LDB2: variants seen among roughly 807,000 people sequenced by gnomAD.
LDB2 encodes the protein LIM domain-binding protein 2.
Under a neutral mutation model 44.3 loss-of-function variants are expected in LDB2, and 12 were observed. The observed-to-expected ratio is 0.27, with a 90% CI of 0.17 to 0.44. LDB2 has a LOEUF of 0.44. Ranked by LOEUF, LDB2 falls within the 20% of genes least tolerant of loss-of-function variation. The pLI, the probability that LDB2 is intolerant of heterozygous loss-of-function variation, is 1.00. For missense variants in LDB2, 344 were observed against 473.5 expected, an observed-to-expected ratio of 0.73 and a Z score of 2.54; for synonymous variants, 164 against 174.8, an observed-to-expected ratio of 0.94 and a Z score of 0.49.
At chr4:16,640,154 C>A (rs1033036090) in intron 2 of LDB2, among the ~76,000 whole-genome samples, 1 of 152,236 alleles carries the variant, frequency 6.6e-6, no homozygotes, top group African/African-American at 2.4e-5. Context: ...ATTACCCAAT[C>A]ATCTGTTTAG....
At chr4:16,585,285 G>A (rs1411516379) in intron 5 of LDB2, among the ~76,000 whole-genome samples, 1 of 152,190 alleles carries the variant, frequency 6.6e-6, no homozygotes, top group African/African-American at 2.4e-5. Context: ...AGACCAGTGG[G>A]CTCTTTAGTG....
chr4:16,759,375 T>C (rs1767387967), intron 1 of LDB2, 115 bp from the exon 2 acceptor site: 2 of 714,838 alleles, frequency 2.8e-6, no homozygotes. Context: ...ACTTCGCGTA[T>C]GTGTGTAGGT....
Position 16,637,400 on chromosome 4 carries a change from T to C in LDB2, c.236-41525A>G, listed in dbSNP as rs558175125. 1.9e-4 allele frequency among the ~76,000 whole-genome samples: 28 copies of C among 148,536 alleles called. No individual in the cohort carries two copies. The East Asian group carries it at 4.8e-3, about 26-fold the overall frequency. ...GAGAGCTGTTATTCATAAGCAATTA[T>C]GTGGGTGCTTAAATGATATGATGTG... On this transcript the variant is annotated intron_variant, in intron 2 of 7. Transcript: ENST00000304523.
At chr4:16,565,381 GAA>G (rs1233334072) in intron 5 of LDB2, among the ~76,000 whole-genome samples, 10 of 152,030 alleles carry the variant, frequency 6.6e-5, no homozygotes, top group Non-Finnish European at 5.9e-5. Flanking sequence ...AATAAAAAGA[GAA>G]GAGTAAAACC....
intron 1 of LDB2, among the ~76,000 whole-genome samples, chr4:16,883,804 C>T (rs1720871225): frequency 6.6e-6 from 1 of 152,164 alleles, no homozygotes; most frequent in Non-Finnish European, 1.5e-5. Context: ...AGGCCCCAGG[C>T]CGCTAAACGA....
rs1381990259 is a variant in LDB2, at chr4:16,827,901, T to C, written c.133-68641A>G. ...CCTTTCAGGATTTCGTATCCTCTTA[T>C]CTCCTAACGGCCATCAGGCAGAAAG... On this transcript the variant is annotated intron_variant, in intron 1 of 7. Transcript: ENST00000304523. Among the ~76,000 whole-genome samples, 7 of 152,144 alleles carry C rather than the reference T, an allele frequency of 4.6e-5. No homozygotes were observed. In the East Asian group the frequency reaches 7.7e-4, roughly 17 times the overall value.
chr4:16,736,076 C>A (rs1002038294), intron 2 of LDB2, among the ~76,000 whole-genome samples: 1 of 152,186 alleles, frequency 6.6e-6, no homozygotes, highest in Non-Finnish European at 1.5e-5. Context: ...CTGGCCAGCC[C>A]CGCCTGGTGC....
At chr4:16,788,371 C>A (rs1026470389) in intron 1 of LDB2, among the ~76,000 whole-genome samples, 2 of 152,198 alleles carry the variant, frequency 1.3e-5, no homozygotes, top group Non-Finnish European at 2.9e-5. Flanking sequence ...AGCTTCCCCA[C>A]CTCAAGCAAC....
chr4:16,893,288 C>T (rs534781290), intron 1 of LDB2, among the ~76,000 whole-genome samples: 46 of 146,302 alleles, frequency 3.1e-4, no homozygotes, highest in Non-Finnish European at 5.8e-4. Flanking sequence ...GTAGCAGCAA[C>T]ATTTTTCTTT....
intron 5 of LDB2, among the ~76,000 whole-genome samples, chr4:16,563,544 G>T (rs1743321084): frequency 7.1e-6 from 1 of 140,992 alleles, no homozygotes; most frequent in Non-Finnish European, 1.5e-5. Flanking sequence ...CGCCTCCCGG[G>T]TTCACGCCAT....
intron 2 of LDB2, among the ~76,000 whole-genome samples, chr4:16,666,311 C>A (rs1270340839): frequency 2.0e-5 from 3 of 152,180 alleles, no homozygotes; most frequent in Non-Finnish European, 4.4e-5. Context: ...CCTCGCCAAG[C>A]TAGCTGTTGT....
At chr4:16,661,280 A>G (rs1741513097) in intron 2 of LDB2, among the ~76,000 whole-genome samples, 1 of 152,228 alleles carries the variant, frequency 6.6e-6, no homozygotes, top group Non-Finnish European at 1.5e-5. Flanking sequence ...ACAGTCAAGC[A>G]CTATGTACCA....
At chr4:16,506,047 G>A (rs1719285192) in intron 7 of LDB2, 5 of 1,507,296 alleles carry the variant, frequency 3.3e-6, no homozygotes, top group South Asian at 1.3e-5. Flanking sequence ...CACACACATC[G>A]CTGCCGCAGC....
intron 1 of LDB2, among the ~76,000 whole-genome samples, chr4:16,866,160 G>A (rs11737577): frequency 2.6e-5 from 4 of 151,968 alleles, no homozygotes; most frequent in African/African-American, 9.7e-5. Context: ...TTCTTTCCGC[G>A]AAGTGCCATT....
chr4:16,585,040 C>T (rs1347782115), intron 5 of LDB2, among the ~76,000 whole-genome samples: 1 of 152,114 alleles, frequency 6.6e-6, no homozygotes, highest in African/African-American at 2.4e-5. Context: ...TCTCCTGTTC[C>T]CTGACAAGAC....
At chr4:16,641,357 T>C (rs1735110828) in intron 2 of LDB2, among the ~76,000 whole-genome samples, 1 of 151,880 alleles carries the variant, frequency 6.6e-6, no homozygotes, top group Non-Finnish European at 1.5e-5. Flanking sequence ...GTTTCTAGAG[T>C]GAGAGCTCAG....
At chr4:16,836,287 TA>T (rs1784873327) in intron 1 of LDB2, among the ~76,000 whole-genome samples, 1 of 152,202 alleles carries the variant, frequency 6.6e-6, no homozygotes, top group Admixed American at 6.5e-5. Flanking sequence ...GACTAAAATC[TA>T]GAACTTCATC....
intron 2 of LDB2, among the ~76,000 whole-genome samples, chr4:16,666,666 G>A (rs954055143): frequency 1.3e-5 from 2 of 152,182 alleles, no homozygotes; most frequent in Admixed American, 1.3e-4. Context: ...CTGCTGCGAG[G>A]TAACAGTTTT....
chr4:16,640,220 G>A (rs1451818508), intron 2 of LDB2, among the ~76,000 whole-genome samples: 1 of 152,100 alleles, frequency 6.6e-6, no homozygotes, highest in Non-Finnish European at 1.5e-5. Flanking sequence ...TCTACCTTGT[G>A]GGTGTACAAA....
Sources: gnomAD v4.1 joint callset for allele counts (sites outside exome capture counted in the v4.1 genomes callset) on GRCh38, gnomAD v4.1.1 for gene constraint, MANE v1.5 for transcripts, NCBI Gene and HGNC (gene_info 2026-07-23, HGNC 2026-07-21) for gene names.